Variants in CSMD1 observed in about 807,000 individuals in gnomAD.
CSMD1 encodes CUB and sushi domain-containing protein 1.
Under a neutral mutation model 417.5 loss-of-function variants are expected in CSMD1, and 213 were observed. That is an observed-to-expected ratio of 0.51 (90% confidence interval 0.46 to 0.57). CSMD1 has a LOEUF of 0.57. Among genes scored for constraint, CSMD1 ranks in the 20% least tolerant of loss-of-function variants. The pLI is 0.00. For missense variants in CSMD1, 6,923 were observed against 4,529.7 expected, an observed-to-expected ratio of 1.53 and a Z score of -15.17; for synonymous variants, 2,862 against 1,736.8, an observed-to-expected ratio of 1.65 and a Z score of -16.11.
intron 1 of CSMD1, among the ~76,000 whole-genome samples, chr8:4,819,362 C>G (rs367704972): frequency 9.2e-5 from 14 of 152,234 alleles, no homozygotes; most frequent in African/African-American, 3.4e-4. Flanking sequence ...ATTTACTTGA[C>G]ATGGAAATAG....
At position 3,100,615 on chromosome 8, in the gene CSMD1, CCT is replaced by C. The variant is rs151039048; in HGVS notation, c.6950-3580_6950-3579del. 9.1e-3 allele frequency among the ~76,000 whole-genome samples: 1,381 copies of C among 152,290 alleles called. 17 individuals carry two copies. The highest frequency in any genetic ancestry group is 0.029 in the African/African-American group (1,209 of 41,564). On this transcript the variant is annotated intron_variant, in intron 46 of 69. Transcript: ENST00000635120. ...TGTCAAAAACACACGTGAAAGCTTG[CCT>C]CTCTCAGACATCACCTGCGCCTCGA...
At chr8:4,824,229 C>G (rs1205106197) in intron 1 of CSMD1, among the ~76,000 whole-genome samples, 2 of 151,898 alleles carry the variant, frequency 1.3e-5, no homozygotes, top group African/African-American at 4.8e-5. Context: ...TATAGATTAG[C>G]CAAGAAAGAG....
chr8:3,329,598 G>C (rs1806762821), intron 23 of CSMD1, among the ~76,000 whole-genome samples: 1 of 152,162 alleles, frequency 6.6e-6, no homozygotes, highest in Non-Finnish European at 1.5e-5. Flanking sequence ...CATGTACCAT[G>C]AGTGCGTCCC....
chr8:4,487,203 G>A (rs1419107860), intron 2 of CSMD1, among the ~76,000 whole-genome samples: 4 of 151,858 alleles, frequency 2.6e-5, no homozygotes, highest in Non-Finnish European at 4.4e-5. Flanking sequence ...TTAAGTTTTA[G>A]GGTACATGTG....
chr8:4,460,594 A>C (rs1050791597), intron 2 of CSMD1, among the ~76,000 whole-genome samples: 29 of 150,816 alleles, frequency 1.9e-4, no homozygotes, highest in African/African-American at 6.7e-4. Flanking sequence ...AAGAAGTCTC[A>C]AATTACTAAA....
intron 4 of CSMD1, among the ~76,000 whole-genome samples, chr8:4,004,558 T>C (rs1031862110): frequency 2.6e-5 from 4 of 152,058 alleles, no homozygotes; most frequent in African/African-American, 9.7e-5. Context: ...AGCAACCTAA[T>C]TTGGTATTAT....
intron 1 of CSMD1, among the ~76,000 whole-genome samples, chr8:4,974,837 G>A (rs1810454581): frequency 6.6e-6 from 1 of 152,116 alleles, no homozygotes. Context: ...CAATGATGAT[G>A]TATGTTATTA....
intron 2 of CSMD1, among the ~76,000 whole-genome samples, chr8:4,578,421 C>T (rs999177479): frequency 2.8e-5 from 4 of 141,582 alleles, no homozygotes; most frequent in African/African-American, 7.8e-5. Context: ...TCTCATGATT[C>T]GCCCACCTCA....
At chr8:2,970,810 AC>A (rs1804395781) in intron 57 of CSMD1, among the ~76,000 whole-genome samples, 1 of 152,212 alleles carries the variant, frequency 6.6e-6, no homozygotes, top group African/African-American at 2.4e-5. Context: ...ATGGGATTTG[AC>A]AGAAACGTTG....
intron 41 of CSMD1, among the ~76,000 whole-genome samples, chr8:3,131,471 AT>A (rs36009515): frequency 0.014 from 2,056 of 142,190 alleles, 11 homozygotes; most frequent in East Asian, 0.049. Flanking sequence ...GCTAATACTA[AT>A]TTTTTTTTTT....
At chr8:4,963,371 TG>T (rs1358962221) in intron 1 of CSMD1, among the ~76,000 whole-genome samples, 1 of 152,114 alleles carries the variant, frequency 6.6e-6, no homozygotes, top group Non-Finnish European at 1.5e-5. Flanking sequence ...AGCTAATTTT[TG>T]TATTTTTAGT....
In CSMD1 at chr8:3,834,078, C is replaced by G. The variant is rs78398604; in HGVS notation, c.819-80036G>C. Among the ~76,000 whole-genome samples the G allele has an allele frequency of 9.4e-3, 1,434 of 152,230 alleles. 21 individuals carry two copies. Among genetic ancestry groups the G allele is most frequent in the African/African-American group, 0.033 (1,362 of 41,556 alleles). On this transcript the variant is annotated intron_variant, in intron 5 of 69. Transcript: ENST00000635120. ...TGGTCACTACTGAAAAAATATTATA[C>G]TTTGATTTCCTTTCTTAAAATTGTT... is the stretch of plus-strand genomic sequence containing the variant.
chr8:4,725,594 C>A (rs531037229), intron 1 of CSMD1, among the ~76,000 whole-genome samples: 3 of 152,120 alleles, frequency 2.0e-5, no homozygotes, highest in African/African-American at 7.2e-5. Flanking sequence ...ACATGGGGCG[C>A]GTCTCAAATG....
intron 3 of CSMD1, among the ~76,000 whole-genome samples, chr8:4,062,509 G>A (rs1325525049): frequency 1.3e-5 from 2 of 152,060 alleles, no homozygotes; most frequent in Admixed American, 6.6e-5. Context: ...ATTCTAAGTG[G>A]GGAAATGTAT....
At chr8:3,755,738 C>T (rs772019454) in intron 5 of CSMD1, among the ~76,000 whole-genome samples, 1 of 152,096 alleles carries the variant, frequency 6.6e-6, no homozygotes, top group Non-Finnish European at 1.5e-5. Context: ...TGTACAGGAT[C>T]CACTTTAAGT....
At chr8:3,715,842 C>T (rs1368533366) in intron 6 of CSMD1, among the ~76,000 whole-genome samples, 1 of 152,180 alleles carries the variant, frequency 6.6e-6, no homozygotes, top group Non-Finnish European at 1.5e-5. Context: ...AGCGCCCGGC[C>T]TGCAAACAGC....
intron 15 of CSMD1, among the ~76,000 whole-genome samples, chr8:3,404,153 T>G (rs1161528): frequency 0.94 from 142,706 of 152,048 alleles, 66,986 homozygotes; most frequent in East Asian, 0.97. Context: ...GGCCAACATG[T>G]TGAAACGTCC....
intron 33 of CSMD1, among the ~76,000 whole-genome samples, chr8:3,197,699 C>G (rs113864573): frequency 0.022 from 3,294 of 151,998 alleles, 98 homozygotes; most frequent in African/African-American, 0.075. Context: ...CTCCTGACCT[C>G]GTGATCCGCC....
intron 3 of CSMD1, among the ~76,000 whole-genome samples, chr8:4,264,825 A>T (rs1170148018): frequency 1.3e-5 from 2 of 152,168 alleles, no homozygotes; most frequent in South Asian, 2.1e-4. Flanking sequence ...CCTCATCAAT[A>T]AACTAAGGAT....
Sources: gnomAD v4.1 joint callset for allele counts (sites outside exome capture counted in the v4.1 genomes callset) on GRCh38, gnomAD v4.1.1 for gene constraint, MANE v1.5 for transcripts, NCBI Gene and HGNC (gene_info 2026-07-23, HGNC 2026-07-21) for gene names.